REC114: variants seen among roughly 807,000 people sequenced by gnomAD.
REC114 encodes the protein REC114 meiotic recombination protein, also known as meiotic recombination protein REC114.
In REC114, 27 loss-of-function variants were observed where a neutral mutation model predicts 31.3. That is an observed-to-expected ratio of 0.86 (90% CI 0.64 to 1.19). The LOEUF (loss-of-function observed/expected upper bound fraction) is 1.19. Among genes scored for constraint, REC114 ranks in the 50% most tolerant of loss-of-function variants. The pLI, the probability that REC114 is intolerant of heterozygous loss-of-function variation, is 0.00. For missense variants in REC114, 344 were observed against 326.9 expected (o/e 1.05, Z -0.40); for synonymous variants, 134 against 127.7 (o/e 1.05, Z -0.33).
chr15:73,551,624 C>A (rs1055529231), intron 4 of REC114, among the ~76,000 whole-genome samples: 1 of 152,138 alleles, frequency 6.6e-6, no homozygotes, highest in Non-Finnish European at 1.5e-5. Context: ...AACGAAATAA[C>A]CCTGCAGTCT....
At chr15:73,491,451 G>T (rs1227611674) in intron 2 of REC114, among the ~76,000 whole-genome samples, 2 of 152,152 alleles carry the variant, frequency 1.3e-5, no homozygotes, top group East Asian at 3.9e-4. Context: ...GGGAAATTAT[G>T]AGTAGAGCTT....
intron 1 of REC114, 84 bp downstream of exon 1, chr15:73,443,428 C>G: frequency 2.1e-6 from 3 of 1,419,284 alleles, no homozygotes; most frequent in Non-Finnish European, 2.8e-6. Context: ...GCCAGTGCCC[C>G]GAAAGCAATG....
intron 2 of REC114, among the ~76,000 whole-genome samples, chr15:73,525,483 T>A (rs1893992703): frequency 6.6e-6 from 1 of 152,076 alleles, no homozygotes; most frequent in Non-Finnish European, 1.5e-5. Context: ...TCATAAGCTT[T>A]CCTTTGAGTA....
chr15:73,463,937 T>C (rs566062191), intron 1 of REC114, among the ~76,000 whole-genome samples: 5 of 152,342 alleles, frequency 3.3e-5, no homozygotes, highest in African/African-American at 1.2e-4. Context: ...ATATGTCTAG[T>C]TATTGATTTT....
intron 2 of REC114, among the ~76,000 whole-genome samples, chr15:73,514,962 C>T (rs926055716): frequency 1.1e-4 from 16 of 146,024 alleles, no homozygotes; most frequent in African/African-American, 4.0e-4. Context: ...GACAAGGTCT[C>T]ACTCTGTTGC....
At chr15:73,496,211 G>T (rs2141305489) in intron 2 of REC114, among the ~76,000 whole-genome samples, 2 of 151,784 alleles carry the variant, frequency 1.3e-5, no homozygotes, top group East Asian at 3.9e-4. Context: ...AATTAGTTGA[G>T]TGTGGTGGTG....
chr15:73,532,760 G>GA (rs1390907984), intron 2 of REC114, among the ~76,000 whole-genome samples: 1 of 152,098 alleles, frequency 6.6e-6, no homozygotes, highest in Non-Finnish European at 1.5e-5. Flanking sequence ...TGAAATAAAG[G>GA]AAAAAATGTT....
intron 2 of REC114, among the ~76,000 whole-genome samples, chr15:73,529,297 C>T (rs2141323869): frequency 6.6e-6 from 1 of 152,078 alleles, no homozygotes. Flanking sequence ...GCCACCATGC[C>T]CAACTAATTT....
At chr15:73,465,172 G>A (rs1893040709) in intron 1 of REC114, among the ~76,000 whole-genome samples, 1 of 152,130 alleles carries the variant, frequency 6.6e-6, no homozygotes, top group Non-Finnish European at 1.5e-5. Context: ...GCTTACAGGT[G>A]TGAGTCACTG....
chr15:73,559,581 TTGTAAA>T (rs1261461494), intron 5 of REC114, among the ~76,000 whole-genome samples, 165 bp from the exon 6 acceptor site: 2 of 152,210 alleles, frequency 1.3e-5, no homozygotes, highest in African/African-American at 2.4e-5. Flanking sequence ...ATATACAAAA[TTGTAAA>T]TGTAACAGTA....
chr15:73,513,215 C>T (rs1256360439), intron 2 of REC114, among the ~76,000 whole-genome samples: 1 of 150,224 alleles, frequency 6.7e-6, no homozygotes, highest in African/African-American at 2.4e-5. Context: ...TTGCTGATAC[C>T]CTTTCTTCCA....
At chr15:73,477,898 G>A (rs1041447045) in intron 2 of REC114, among the ~76,000 whole-genome samples, 1 of 152,034 alleles carries the variant, frequency 6.6e-6, no homozygotes, top group Non-Finnish European at 1.5e-5. Context: ...ATTATGGAAT[G>A]TAATCATGGA....
At chr15:73,467,350 T>C (rs1236498845) in intron 1 of REC114, among the ~76,000 whole-genome samples, 3 of 152,210 alleles carry the variant, frequency 2.0e-5, no homozygotes, top group African/African-American at 7.2e-5. Flanking sequence ...AAGCATTGCT[T>C]TATTGCCAGC....
chr15:73,514,347 A>G (rs1279542942), intron 2 of REC114, among the ~76,000 whole-genome samples: 4 of 151,204 alleles, frequency 2.6e-5, no homozygotes, highest in African/African-American at 7.3e-5. Flanking sequence ...ACTGTCTGGC[A>G]CTCCCTAGTG....
chr15:73,504,823 G>A (rs924203776), intron 2 of REC114, among the ~76,000 whole-genome samples: 6 of 151,972 alleles, frequency 3.9e-5, no homozygotes, highest in South Asian at 2.1e-4. Flanking sequence ...AAATTTTGTG[G>A]GTTTTGTTTT....
chr15:73,473,515 G>A (rs895651411), intron 1 of REC114, among the ~76,000 whole-genome samples: 3 of 152,162 alleles, frequency 2.0e-5, no homozygotes, highest in African/African-American at 7.2e-5. Context: ...GGCTCAGAGA[G>A]AATAAATTAT....
At chr15:73,478,070 C>T (rs1893238810) in intron 2 of REC114, among the ~76,000 whole-genome samples, 1 of 151,828 alleles carries the variant, frequency 6.6e-6, no homozygotes, top group East Asian at 1.9e-4. Context: ...TCGAGACCAG[C>T]CTGGCCAACA....
At chr15:73,499,453 C>G (rs1181053577) in intron 2 of REC114, among the ~76,000 whole-genome samples, 1 of 151,916 alleles carries the variant, frequency 6.6e-6, no homozygotes, top group South Asian at 2.1e-4. Flanking sequence ...GGGTAGTTTT[C>G]GACAAATCAT....
chr15:73,536,085 C>T, intron 2 of REC114, among the ~76,000 whole-genome samples: 1 of 151,766 alleles, frequency 6.6e-6, no homozygotes, highest in Admixed American at 6.6e-5. Context: ...GGAAGAAAAC[C>T]TAGGCATTAC....
Sources: gnomAD v4.1 joint callset for allele counts (sites outside exome capture counted in the v4.1 genomes callset) on GRCh38, gnomAD v4.1.1 for gene constraint, MANE v1.5 for transcripts, NCBI Gene and HGNC (gene_info 2026-07-23, HGNC 2026-07-21) for gene names.